Variants in CCND2 observed in about 807,000 individuals in gnomAD.
The protein encoded by CCND2 is G1/S-specific cyclin-D2.
CCND2 carries 6 observed loss-of-function variants against 30.2 expected under a neutral mutation model. That is an observed-to-expected ratio of 0.20 (90% confidence interval 0.11 to 0.39). The LOEUF (loss-of-function observed/expected upper bound fraction) is 0.39, where lower values mean the gene tolerates loss of function less well. Among genes scored for constraint, CCND2 ranks in the 10% least tolerant of loss-of-function variants. CCND2 has a pLI of 1.00. For synonymous variants in CCND2, 150 were observed against 153.1 expected (o/e 0.98, Z 0.15); for missense variants, 235 against 373.4 (o/e 0.63, Z 3.06).
chr12:4,298,953 C>T (rs1394811658), intron 4 of CCND2, among the ~76,000 whole-genome samples: 7 of 152,204 alleles, frequency 4.6e-5, no homozygotes, highest in South Asian at 2.1e-4. Flanking sequence ...CATATTCTTG[C>T]TTATTCCCAA....
rs1244729608 is a variant in CCND2, at chr12:4,273,845, T to G, written c.-196T>G. ...GAGTGAGGCAGCCCCGAGGCTCTGC[T>G]CGCCCACCACCCAATCCTCGCCTCC... On this transcript the variant is annotated 5_prime_UTR_variant, in exon 1 of 5. Coordinates refer to ENST00000261254, the MANE Select transcript of CCND2 (RefSeq NM_001759.4). This position sits in a 1 kb window ranked among gnomAD's most constrained non-coding sequence, Gnocchi z 5.9. The G allele has an allele frequency of 9.8e-6, 6 of 614,956 alleles. No homozygotes were observed. The highest frequency in any genetic ancestry group is 1.7e-5 in the Non-Finnish European group (6 of 351,734). 38.1% of individuals were successfully genotyped at this position (614,956 alleles called of 1,614,324 possible). A position where few individuals can be genotyped will look rare whatever the true frequency, so the allele number is the denominator to read the frequency against.
At chr12:4,290,001 G>A (rs1263034341) in intron 4 of CCND2, among the ~76,000 whole-genome samples, 2 of 152,228 alleles carry the variant, frequency 1.3e-5, no homozygotes, top group African/African-American at 2.4e-5. Flanking sequence ...CATCACCATG[G>A]AGAGGCTGAA....
chr12:4,282,818 A>G lies in CCND2; in HGVS notation c.571+3899A>G, dbSNP rs568196107. Among the ~76,000 whole-genome samples the G allele has an allele frequency of 3.9e-5, 6 of 152,326 alleles. No individual in the cohort carries two copies. The East Asian group carries it at 1.2e-3, about 29-fold the overall frequency. On this transcript the variant is annotated intron_variant, in intron 3 of 4. Coordinates refer to ENST00000261254, the MANE Select transcript of CCND2 (RefSeq NM_001759.4). This position sits in a 1 kb window ranked among gnomAD's most constrained non-coding sequence, Gnocchi z 4.3. The stretch of plus-strand genomic sequence containing the variant: ...CAGCCCTGCCCCACAAGGACAGGGT[A>G]TGCTGGTCCTCTTATGGGGGTGGCA...
At position 4,302,567 on chromosome 12, in the gene CCND2, A is replaced by G. The variant is rs554910629; in HGVS notation, c.*2558A>G. On this transcript the variant is annotated 3_prime_UTR_variant, in exon 5 of 5. Transcript: ENST00000261254. The stretch of plus-strand genomic sequence containing the variant: ...GATGAACCTGCAGCAAGCAGCGTTT[A>G]TGGTGCTTCCTTCTCCCTCCTCTGT... 1.3e-5 allele frequency: 3 copies of G among 233,164 alleles called. No homozygotes were observed. The highest frequency in any genetic ancestry group is 2.5e-5 in the Non-Finnish European group (3 of 118,094). 14.4% of individuals were successfully genotyped at this position (233,164 alleles called of 1,614,324 possible). A position where few individuals can be genotyped will look rare whatever the true frequency, so the allele number is the denominator to read the frequency against.
In CCND2 at chr12:4,276,561, T is replaced by G. The variant is rs1565431677; in HGVS notation, c.411+341T>G. 1.3e-5 allele frequency among the ~76,000 whole-genome samples: 2 copies of G among 152,220 alleles called. No individual in the cohort carries two copies. Among genetic ancestry groups the G allele is most frequent in the African/African-American group, 4.8e-5 (2 of 41,448 alleles). On this transcript the variant is annotated intron_variant, in intron 2 of 4. Transcript: ENST00000261254. The surrounding 1 kb of genome is among the most constrained non-coding windows in gnomAD (Gnocchi z 4.8). ...TAATTAACAGTGATAATATTTTAAT[T>G]AAATTCCAAATTTCCAAAAATAGTC...
chr12:4,297,619 T>C (rs1864192189), intron 4 of CCND2: 1 of 149,766 alleles, frequency 6.7e-6, no homozygotes, highest in Non-Finnish European at 1.5e-5. Flanking sequence ...AGAAACATTA[T>C]ACCTTAACTT....
chr12:4,286,621 GCT>G (rs2120554327), intron 3 of CCND2, among the ~76,000 whole-genome samples: 1 of 152,310 alleles, frequency 6.6e-6, no homozygotes, highest in African/African-American at 2.4e-5. Flanking sequence ...TGCACATAGT[GCT>G]CCCCAATTCT....
At chr12:4,289,508 T>C (rs561676582) in intron 4 of CCND2, among the ~76,000 whole-genome samples, 95 of 152,252 alleles carry the variant, frequency 6.2e-4, no homozygotes, top group African/African-American at 2.2e-3. Context: ...TCCCTTTTGT[T>C]CAATGCAGTA....
intron 2 of CCND2, among the ~76,000 whole-genome samples, chr12:4,278,012 A>G (rs992829440): frequency 5.9e-5 from 9 of 152,390 alleles, no homozygotes; most frequent in African/African-American, 2.2e-4. Context: ...TGGTCCCCAC[A>G]CTTGCACTGA....
chr12:4,278,730 C>A, intron 2 of CCND2, 30 bp from the exon 3 acceptor site: 1 of 1,610,870 alleles, frequency 6.2e-7, no homozygotes, highest in Non-Finnish European at 8.5e-7. Context: ...AATTTAGATT[C>A]TCCTCTTCTC....
chr12:4,283,952 G>A (rs1417588369), intron 3 of CCND2, among the ~76,000 whole-genome samples: 1 of 152,190 alleles, frequency 6.6e-6, no homozygotes, highest in East Asian at 1.9e-4. Context: ...TCATTTCTGG[G>A]ACACATACAC....
chr12:4,295,579 C>A (rs1864158484), intron 4 of CCND2, among the ~76,000 whole-genome samples: 1 of 152,136 alleles, frequency 6.6e-6, no homozygotes, highest in South Asian at 2.1e-4. Context: ...GAGTTCGAGA[C>A]CAGCCTGACC....
chr12:4,300,022 G>A lies in CCND2; in HGVS notation c.*13G>A, dbSNP rs1423103141. On this transcript the variant is annotated 3_prime_UTR_variant, in exon 5 of 5. Transcript: ENST00000261254. ...TATCGACCTGTGAGGATGCCAGTTG[G>A]GCCGAAAGAGAGAGACGCGTCCATA... 1 of 1,611,198 alleles carries A rather than the reference G, an allele frequency of 6.2e-7. No homozygotes were observed. The highest frequency in any genetic ancestry group is 1.1e-5 in the South Asian group (1 of 90,776).
At chr12:4,292,023 G>C (rs1363535144) in intron 4 of CCND2, among the ~76,000 whole-genome samples, 1 of 152,174 alleles carries the variant, frequency 6.6e-6, no homozygotes, top group African/African-American at 2.4e-5. Context: ...CAATTCTGTA[G>C]ATGGAGAGTT....
rs1863890560 is a variant in CCND2 at position 4,277,486 on chromosome 12, G to C, written c.411+1266G>C. On this transcript the variant is annotated intron_variant, in intron 2 of 4. Transcript: ENST00000261254. ...ACCAATTTGTTTTTCTCATGAGAGA[G>C]CAGGAAAAATCATCTTCATATGGTT... Among the ~76,000 whole-genome samples the C allele has an allele frequency of 2.0e-5, 3 of 152,360 alleles. No homozygotes were observed. The South Asian group carries it at 6.2e-4, about 32-fold the overall frequency.
Position 4,305,115 on chromosome 12 carries a change from G to A in CCND2, c.*5106G>A. 4.3e-6 allele frequency: 1 copy of A among 233,390 alleles called. No individual in the cohort carries two copies. The highest frequency in any genetic ancestry group is 8.5e-6 in the Non-Finnish European group (1 of 117,990). The allele number at this position is 233,390 out of a possible 1,614,324, so 14.5% of individuals were successfully genotyped here. On this transcript the variant is annotated 3_prime_UTR_variant, in exon 5 of 5. Transcript: ENST00000261254. The surrounding 1 kb of genome is among the most constrained non-coding windows in gnomAD (Gnocchi z 6.4). ...TTTGGTCAGGATGTTAGAAAGTGCT[G>A]ATAAGTAGCATGATCAGTGTATGCG...
rs1186804952 is a variant in CCND2 at position 4,301,424 on chromosome 12, T to C, written c.*1415T>C. On this transcript the variant is annotated 3_prime_UTR_variant, in exon 5 of 5. Coordinates refer to ENST00000261254, the MANE Select transcript of CCND2 (RefSeq NM_001759.4). Reference sequence around the variant, plus strand: ...TTCAGCGTACTTGAATTTTTCTTCCTCTCCACTTCTTAGAGGCATTCAGTT... The same window carrying C: ...TTCAGCGTACTTGAATTTTTCTTCCCCTCCACTTCTTAGAGGCATTCAGTT... The C allele has an allele frequency of 4.3e-6, 1 of 231,316 alleles. No homozygotes were observed. The highest frequency in any genetic ancestry group is 8.5e-6 in the Non-Finnish European group (1 of 117,032). 14.3% of individuals were successfully genotyped at this position (231,316 alleles called of 1,614,324 possible).
Position 4,302,421 on chromosome 12 carries a change from T to G in CCND2, c.*2412T>G. 4.3e-6 allele frequency: 1 copy of G among 233,040 alleles called. No homozygotes were observed. Among genetic ancestry groups the G allele is most frequent in the East Asian group, 6.0e-5 (1 of 16,586 alleles). 14.4% of individuals were successfully genotyped at this position (233,040 alleles called of 1,614,324 possible). ...CTTGGAGCTTTTTCAAAAGCGGGGCTTCATCTGCAAAGGGCCCTTTCATCT... is the reference window on the plus strand; with the variant it reads ...CTTGGAGCTTTTTCAAAAGCGGGGCGTCATCTGCAAAGGGCCCTTTCATCT... On this transcript the variant is annotated 3_prime_UTR_variant, in exon 5 of 5. Transcript: ENST00000261254.
Position 4,299,029 on chromosome 12 carries a change from A to C in CCND2, c.721-831A>C, listed in dbSNP as rs1864211814. Among the ~76,000 whole-genome samples the C allele has an allele frequency of 6.6e-6, 1 of 152,110 alleles. No individual in the cohort carries two copies. Among genetic ancestry groups the C allele is most frequent in the Admixed American group, 6.5e-5 (1 of 15,284 alleles). On this transcript the variant is annotated intron_variant, in intron 4 of 4. Coordinates refer to ENST00000261254, the MANE Select transcript of CCND2 (RefSeq NM_001759.4). The surrounding 1 kb of genome is among the most constrained non-coding windows in gnomAD (Gnocchi z 5.2). ...CATTATATCTTTATGAGAGTTAAGG[A>C]AATGGTAAAGAAGCAGAAAAAGTTG...
Sources: allele counts gnomAD v4.1 joint callset (sites outside exome capture counted in the v4.1 genomes callset), GRCh38; gene constraint gnomAD v4.1.1; non-coding constraint Gnocchi (gnomAD v3.1); transcripts MANE v1.5; gene names NCBI Gene and HGNC (gene_info 2026-07-23, HGNC 2026-07-21).